Variants in CCBE1 observed in about 807,000 individuals in gnomAD.
CCBE1 encodes the protein collagen and calcium binding EGF domains 1, also known as collagen and calcium-binding EGF domain-containing protein 1.
A neutral mutation model predicts 50.0 loss-of-function variants in CCBE1; 37 were observed. That is an observed-to-expected ratio of 0.74 (90% CI 0.57 to 0.97). The LOEUF (loss-of-function observed/expected upper bound fraction) is 0.97. CCBE1 is among the 50% of genes least tolerant of loss of function. The pLI is 0.00. For synonymous variants in CCBE1, 234 were observed against 203.7 expected (o/e 1.15, Z -1.27); for missense variants, 538 against 523.8 (o/e 1.03, Z -0.26).
intron 2 of CCBE1, among the ~76,000 whole-genome samples, chr18:59,560,739 T>TGG (rs1245071420): frequency 1.3e-5 from 2 of 152,198 alleles, no homozygotes; most frequent in African/African-American, 4.8e-5. Flanking sequence ...CATAAGAGTG[T>TGG]GGCAGGGCGG....
intron 2 of CCBE1, among the ~76,000 whole-genome samples, chr18:59,544,222 GA>G (rs2144392897): frequency 6.6e-6 from 1 of 152,270 alleles, no homozygotes; most frequent in South Asian, 2.1e-4. Flanking sequence ...CTAACTCCCA[GA>G]AAGGAGAGCT....
chr18:59,512,023 CAT>C (rs34151212), intron 2 of CCBE1, among the ~76,000 whole-genome samples: 39,424 of 152,052 alleles, frequency 0.26, 5,281 homozygotes, highest in Middle Eastern at 0.33. Flanking sequence ...CCTCTGTAGC[CAT>C]ATGATAAATC....
At chr18:59,438,684 T>G (rs563378282) in intron 9 of CCBE1, among the ~76,000 whole-genome samples, 50 of 152,346 alleles carry the variant, frequency 3.3e-4, no homozygotes, top group African/African-American at 9.9e-4. Flanking sequence ...TGGTTGTTTT[T>G]GTCTTTGGGG....
rs17769805 is a variant in CCBE1, at chr18:59,432,433, C to T, written c.*3475G>A. On this transcript the variant is annotated 3_prime_UTR_variant, in exon 11 of 11. Transcript: ENST00000439986. ...TAAAACATGAAATGACCTAGAAGCA[C>T]TGTTACAAATCTTACCCCAGAAATA... 1 of 152,118 alleles carries T rather than the reference C, an allele frequency of 6.6e-6. No individual in the cohort carries two copies. The highest frequency in any genetic ancestry group is 1.9e-4 in the East Asian group (1 of 5,202). The allele number at this position is 152,118 out of a possible 1,614,324, so 9.4% of individuals were successfully genotyped here.
intron 2 of CCBE1, among the ~76,000 whole-genome samples, chr18:59,648,757 A>C (rs1174385333): frequency 6.6e-6 from 1 of 152,214 alleles, no homozygotes; most frequent in African/African-American, 2.4e-5. Flanking sequence ...CTTTTGGTGC[A>C]CAGAGACCAA....
intron 2 of CCBE1, among the ~76,000 whole-genome samples, chr18:59,664,644 T>G (rs960030904): frequency 6.6e-6 from 1 of 152,172 alleles, no homozygotes; most frequent in Non-Finnish European, 1.5e-5. Context: ...CACCTCATTC[T>G]ACTGAGGAAC....
chr18:59,446,563 T>A (rs1348036626), intron 7 of CCBE1, among the ~76,000 whole-genome samples: 1 of 151,942 alleles, frequency 6.6e-6, no homozygotes, highest in East Asian at 1.9e-4. Flanking sequence ...CTCAGGCTTG[T>A]GTTTGAAGAG....
intron 2 of CCBE1, among the ~76,000 whole-genome samples, chr18:59,662,430 A>G (rs1328771108): frequency 6.6e-6 from 1 of 152,254 alleles, no homozygotes; most frequent in Non-Finnish European, 1.5e-5. Context: ...CTACAAATAG[A>G]GACCAGTTAC....
intron 2 of CCBE1, among the ~76,000 whole-genome samples, chr18:59,609,659 T>C (rs962790192): frequency 6.6e-6 from 1 of 152,244 alleles, no homozygotes; most frequent in African/African-American, 2.4e-5. Context: ...GTATCTTTAC[T>C]CATGATCAGT....
intron 2 of CCBE1, among the ~76,000 whole-genome samples, chr18:59,679,176 C>T (rs1190145262): frequency 6.6e-6 from 1 of 152,108 alleles, no homozygotes; most frequent in Non-Finnish European, 1.5e-5. Context: ...CAAACAGCGT[C>T]ACAACTCACC....
chr18:59,492,670 A>G (rs891537160), intron 2 of CCBE1, among the ~76,000 whole-genome samples: 1 of 152,246 alleles, frequency 6.6e-6, no homozygotes, highest in Non-Finnish European at 1.5e-5. Context: ...TCGGTTGTGC[A>G]TAAGAGAAAA....
chr18:59,687,821 C>T (rs577144337), intron 2 of CCBE1, among the ~76,000 whole-genome samples: 2 of 152,124 alleles, frequency 1.3e-5, no homozygotes, highest in Middle Eastern at 3.4e-3. Context: ...ATTAGCTGGG[C>T]GTGGTGGCAC....
chr18:59,514,874 T>G (rs1914301773), intron 2 of CCBE1, among the ~76,000 whole-genome samples: 1 of 152,184 alleles, frequency 6.6e-6, no homozygotes, highest in Admixed American at 6.5e-5. Context: ...CCTCTATAAT[T>G]CCGATTTCTG....
chr18:59,486,626 C>T (rs746146486), intron 2 of CCBE1, among the ~76,000 whole-genome samples: 20 of 152,084 alleles, frequency 1.3e-4, no homozygotes, highest in Admixed American at 6.5e-4. Context: ...GGGTGGCTAC[C>T]GTGGAGAAGC....
At chr18:59,679,488 T>C (rs539048909) in intron 2 of CCBE1, among the ~76,000 whole-genome samples, 2 of 152,196 alleles carry the variant, frequency 1.3e-5, no homozygotes, top group Non-Finnish European at 2.9e-5. Context: ...TATAATACTT[T>C]AGCAGGGAGT....
At chr18:59,528,334 C>G (rs893278682) in intron 2 of CCBE1, among the ~76,000 whole-genome samples, 18 of 152,232 alleles carry the variant, frequency 1.2e-4, no homozygotes, top group Admixed American at 2.6e-4. Context: ...TATGTTCCCA[C>G]TAAACTGCTT....
At chr18:59,616,855 T>C (rs1450783210) in intron 2 of CCBE1, among the ~76,000 whole-genome samples, 2 of 152,184 alleles carry the variant, frequency 1.3e-5, no homozygotes, top group Non-Finnish European at 2.9e-5. Context: ...ATCCTGACTT[T>C]CCTGCAGACC....
rs149029890 is a variant in CCBE1 at position 59,651,330 on chromosome 18, G to A, written c.212+45299C>T. 1.6e-3 allele frequency among the ~76,000 whole-genome samples: 242 copies of A among 152,290 alleles called. 2 individuals carry two copies. Among genetic ancestry groups the A allele is most frequent in the African/African-American group, 5.3e-3 (219 of 41,562 alleles). The stretch of plus-strand genomic sequence containing the variant: ...TTCTTGCTGGCATTGGAAAATGAGC[G>A]TCCATACCACCGGGTTATGGGAACA... On this transcript the variant is annotated intron_variant, in intron 2 of 10. Coordinates refer to ENST00000439986, the MANE Select transcript of CCBE1 (RefSeq NM_133459.4).
chr18:59,502,296 G>A (rs992805631), intron 2 of CCBE1, among the ~76,000 whole-genome samples: 8 of 152,256 alleles, frequency 5.3e-5, no homozygotes, highest in Admixed American at 2.6e-4. Flanking sequence ...CTGCACCCTC[G>A]CCTTGAAACC....
Sources: allele counts gnomAD v4.1 joint callset (sites outside exome capture counted in the v4.1 genomes callset), GRCh38; gene constraint gnomAD v4.1.1; transcripts MANE v1.5; gene names NCBI Gene and HGNC (gene_info 2026-07-23, HGNC 2026-07-21).